PHACTR2: variants seen among roughly 807,000 people sequenced by gnomAD.
PHACTR2 encodes the protein phosphatase and actin regulator 2, also known as chromosome 6 open reading frame 56.
A neutral mutation model predicts 76.0 loss-of-function variants in PHACTR2; 30 were observed. The observed-to-expected ratio is 0.39, with a 90% CI of 0.30 to 0.54. The LOEUF is 0.54. Among genes scored for constraint, PHACTR2 ranks in the 20% least tolerant of loss-of-function variants. PHACTR2 has a pLI of 0.61. For synonymous variants in PHACTR2, 292 were observed against 292.5 expected (o/e 1.00, Z 0.02); for missense variants, 696 against 781.1 (o/e 0.89, Z 1.30).
intron 1 of PHACTR2, among the ~76,000 whole-genome samples, chr6:143,705,943 T>C (rs576850085): frequency 2.6e-5 from 4 of 152,380 alleles, no homozygotes; most frequent in African/African-American, 4.8e-5. Context: ...TATAAATTAT[T>C]TGGAGTTCTG....
In PHACTR2 at chr6:143,784,467, C is replaced by T. The variant is rs1485621766; in HGVS notation, c.1707+1187C>T. ...AATGGATAAAGTGACTAAAATGTGA[C>T]ATCTACATGAAGTGTGACCTGACCC... is the stretch of plus-strand genomic sequence containing the variant. On this transcript the variant is annotated intron_variant, in intron 10 of 12. Coordinates refer to ENST00000440869, the MANE Select transcript of PHACTR2 (RefSeq NM_001100164.2). The surrounding 1 kb of genome is among the most constrained non-coding windows in gnomAD (Gnocchi z 4.5). 6.6e-6 allele frequency among the ~76,000 whole-genome samples: 1 copy of T among 152,198 alleles called. No homozygotes were observed. Among genetic ancestry groups the T allele is most frequent in the East Asian group, 1.9e-4 (1 of 5,200 alleles).
rs989526674 is a variant in PHACTR2 at position 143,553,896 on chromosome 6, T to C, written c.217+16689T>C. Among the ~76,000 whole-genome samples the C allele has an allele frequency of 3.3e-5, 5 of 151,948 alleles. No individual in the cohort carries two copies. The highest frequency in any genetic ancestry group is 1.2e-4 in the African/African-American group (5 of 41,332). ...GCAGGCCCCACTGAGAAGGTGGCAT[T>C]TGAAGAAAGGCCTGAGAGAAGTTAA... is the stretch of plus-strand genomic sequence containing the variant. On this transcript the variant is annotated intron_variant, in intron 1 of 11. Coordinates refer to the PHACTR2 transcript ENST00000367584. This position sits in a 1 kb window ranked among gnomAD's most constrained non-coding sequence, Gnocchi z 4.2.
rs752616843 is a variant in PHACTR2, at chr6:143,695,600, C to G, written c.47-16416C>G. Among the ~76,000 whole-genome samples the G allele has an allele frequency of 1.3e-5, 2 of 152,156 alleles. No individual in the cohort carries two copies. The highest frequency in any genetic ancestry group is 6.5e-5 in the Admixed American group (1 of 15,272). On this transcript the variant is annotated intron_variant, in intron 1 of 12. Transcript: ENST00000440869. The surrounding 1 kb of genome is among the most constrained non-coding windows in gnomAD (Gnocchi z 4.4). ...AGGCAAAGGGAATGAGCATAAGGTT[C>G]CTGCTAGATCTTTAAAAGGGAAGGG...
chr6:143,783,125 TGTTA>T lies in PHACTR2; in HGVS notation c.1646-92_1646-89del. On this transcript the variant is annotated intron_variant, in intron 9 of 12. Coordinates refer to ENST00000440869, the MANE Select transcript of PHACTR2 (RefSeq NM_001100164.2). This position sits in a 1 kb window ranked among gnomAD's most constrained non-coding sequence, Gnocchi z 5.2. ...GTTGGTTGTGTGTTTGATCATTATTTGTTAGAGTCACATGATCGTGGCCTGATAC... is the reference window on the plus strand; with the variant it reads ...GTTGGTTGTGTGTTTGATCATTATTTGAGTCACATGATCGTGGCCTGATAC... 2 of 707,862 alleles carry T rather than the reference TGTTA, an allele frequency of 2.8e-6. No individual in the cohort carries two copies. Among genetic ancestry groups the T allele is most frequent in the South Asian group, 3.3e-5 (2 of 60,346 alleles). The allele number at this position is 707,862 out of a possible 1,614,324, so 43.8% of individuals were successfully genotyped here. A position where few individuals can be genotyped will look rare whatever the true frequency, so the allele number is the denominator to read the frequency against.
rs577898498 is a variant in PHACTR2, at chr6:143,748,897, A to T, written c.215-88A>T. ...GAGTTTGAGCCCTCATGTGAGGAGA[A>T]TAAATGTGCTCAATTCTACTTGGAA... On this transcript the variant is annotated intron_variant, in intron 2 of 12. Transcript: ENST00000440869. 504 of 711,060 alleles carry T rather than the reference A, an allele frequency of 7.1e-4. 12 individuals are homozygous for T. In the South Asian group the frequency reaches 7.3e-3, roughly 10 times the overall value. The allele number at this position is 711,060 out of a possible 1,614,324, so 44.0% of individuals were successfully genotyped here. A position where few individuals can be genotyped will look rare whatever the true frequency, so the allele number is the denominator to read the frequency against.
At chr6:143,636,022 A>G (rs1414938270) in intron 1 of PHACTR2, among the ~76,000 whole-genome samples, 2 of 152,210 alleles carry the variant, frequency 1.3e-5, no homozygotes, top group Non-Finnish European at 2.9e-5. Flanking sequence ...AGCCTGGCCA[A>G]CATGGCAAAA....
chr6:143,785,682 T>G (rs1198951146), intron 10 of PHACTR2, among the ~76,000 whole-genome samples: 1 of 152,084 alleles, frequency 6.6e-6, no homozygotes, highest in East Asian at 1.9e-4. Flanking sequence ...AACTTTGGCC[T>G]GGGCATCTAG....
chr6:143,798,014 T>C (rs1775865562), intron 11 of PHACTR2, among the ~76,000 whole-genome samples: 1 of 152,250 alleles, frequency 6.6e-6, no homozygotes, highest in African/African-American at 2.4e-5. Context: ...ACGATATTGA[T>C]TCTTCCTATC....
chr6:143,620,834 T>G (rs1307195714), intron 1 of PHACTR2, among the ~76,000 whole-genome samples: 3 of 152,212 alleles, frequency 2.0e-5, no homozygotes, highest in Non-Finnish European at 4.4e-5. Context: ...TGTGGTTGTA[T>G]TTGCCCTGGC....
intron 2 of PHACTR2, among the ~76,000 whole-genome samples, chr6:143,728,311 A>C (rs1271616147): frequency 7.2e-6 from 1 of 137,968 alleles, no homozygotes; most frequent in East Asian, 2.1e-4. Context: ...TACAGGGCTT[A>C]GGTGATCCTC....
At chr6:143,542,653 A>AG (rs1253889240) in intron 1 of PHACTR2, among the ~76,000 whole-genome samples, 1 of 152,182 alleles carries the variant, frequency 6.6e-6, no homozygotes, top group African/African-American at 2.4e-5. Flanking sequence ...ATGGCACATC[A>AG]GGGGTCCTAC....
intron 1 of PHACTR2, among the ~76,000 whole-genome samples, chr6:143,584,239 G>A (rs141000237): frequency 1.3e-4 from 20 of 152,272 alleles, no homozygotes; most frequent in East Asian, 5.8e-4. Flanking sequence ...TTGGAGGCCC[G>A]TCATGGACTG....
At chr6:143,649,706 G>A (rs1281772807) in intron 1 of PHACTR2, among the ~76,000 whole-genome samples, 1 of 152,078 alleles carries the variant, frequency 6.6e-6, no homozygotes, top group Admixed American at 6.6e-5. Context: ...AAAATAATAA[G>A]CACCATATAT....
chr6:143,674,975 T>C (rs553215818), upstream of PHACTR2, among the ~76,000 whole-genome samples: 27 of 152,354 alleles, frequency 1.8e-4, no homozygotes, highest in South Asian at 5.6e-3. This position sits in a 1 kb window ranked among gnomAD's most constrained non-coding sequence, Gnocchi z 4.9. Context: ...TTTAACCTAA[T>C]AGATATAGTG....
Position 143,738,846 on chromosome 6 carries a change from A to G in PHACTR2, c.215-10139A>G, listed in dbSNP as rs536256513. 2.6e-5 allele frequency among the ~76,000 whole-genome samples: 4 copies of G among 152,260 alleles called. No individual in the cohort carries two copies. The highest frequency in any genetic ancestry group is 4.1e-4 in the South Asian group (2 of 4,830). ...TTAGTGTCACTAAGATTTCTTTTCT[A>G]TCTAATCTTGCTTGCTGTTGACTGA... On this transcript the variant is annotated intron_variant, in intron 2 of 12. Coordinates refer to ENST00000440869, the MANE Select transcript of PHACTR2 (RefSeq NM_001100164.2). The surrounding 1 kb of genome is among the most constrained non-coding windows in gnomAD (Gnocchi z 4.0).
rs1031918410 is a variant in PHACTR2, at chr6:143,648,457, G to C, written c.13+40135G>C. 1.3e-5 allele frequency among the ~76,000 whole-genome samples: 2 copies of C among 152,150 alleles called. No homozygotes were observed. Among genetic ancestry groups the C allele is most frequent in the African/African-American group, 2.4e-5 (1 of 41,414 alleles). ...CTCTGCACTGGGAGTCCCTGGGAGG[G>C]GGGGACGAGGAGGAACAGACCAAAC... On this transcript the variant is annotated intron_variant, in intron 1 of 11. Coordinates refer to the PHACTR2 transcript ENST00000305766. The surrounding 1 kb of genome is among the most constrained non-coding windows in gnomAD (Gnocchi z 6.7).
Position 143,695,662 on chromosome 6 carries a change from A to T in PHACTR2, c.47-16354A>T, listed in dbSNP as rs951542294. Among the ~76,000 whole-genome samples, 2 of 152,264 alleles carry T rather than the reference A, an allele frequency of 1.3e-5. No individual in the cohort carries two copies. The highest frequency in any genetic ancestry group is 2.9e-5 in the Non-Finnish European group (2 of 68,044). On this transcript the variant is annotated intron_variant, in intron 1 of 12. Transcript: ENST00000440869. This position sits in a 1 kb window ranked among gnomAD's most constrained non-coding sequence, Gnocchi z 4.4. Reference sequence around the variant, plus strand: ...GAGGGCCCTTTGATAATGATTTCTTAGCCAGTCCAGTGGATAACATGAGTC... The same window carrying T: ...GAGGGCCCTTTGATAATGATTTCTTTGCCAGTCCAGTGGATAACATGAGTC...
At position 143,610,777 on chromosome 6, in the gene PHACTR2, C is replaced by G. The variant is rs762817619; in HGVS notation, c.13+2455C>G. Among the ~76,000 whole-genome samples the G allele has an allele frequency of 3.3e-4, 51 of 152,302 alleles. No homozygotes were observed. The East Asian group carries it at 3.5e-3, about 10-fold the overall frequency. The stretch of plus-strand genomic sequence containing the variant: ...TACTATCTCAGAGAAGGAGACATCC[C>G]TTCCCCATAATTGCTGGCTTCTGTA... On this transcript the variant is annotated intron_variant, in intron 1 of 11. Coordinates refer to the PHACTR2 transcript ENST00000305766. This position sits in a 1 kb window ranked among gnomAD's most constrained non-coding sequence, Gnocchi z 4.9.
rs1775137330 is a variant in PHACTR2, at chr6:143,554,336, CGGTAAGGCA to C, written c.217+17133_217+17141del. 6.6e-6 allele frequency: 1 copy of C among 152,052 alleles called. No individual in the cohort carries two copies. Among genetic ancestry groups the C allele is most frequent in the Non-Finnish European group, 1.5e-5 (1 of 68,016 alleles). The allele number at this position is 152,052 out of a possible 1,614,324, so 9.4% of individuals were successfully genotyped here. ...TTATTCGATGACACTTGTTCAAGCA[CGGTAAGGCA>C]GGTTTTATTTAGGACCATTGCAATA... On this transcript the variant is annotated intron_variant, in intron 1 of 11. Coordinates refer to the PHACTR2 transcript ENST00000367584. The surrounding 1 kb of genome is among the most constrained non-coding windows in gnomAD (Gnocchi z 5.9).
Sources: gnomAD v4.1 joint callset for allele counts (sites outside exome capture counted in the v4.1 genomes callset) on GRCh38, gnomAD v4.1.1 for gene constraint, Gnocchi (gnomAD v3.1) non-coding constraint, MANE v1.5 for transcripts, NCBI Gene and HGNC (gene_info 2026-07-23, HGNC 2026-07-21) for gene names.